Variants in ADCY8 observed in about 807,000 individuals in gnomAD.
The protein encoded by ADCY8 is adenylate cyclase 8, also known as adenylate cyclase type 8.
Under a neutral mutation model 119.7 loss-of-function variants are expected in ADCY8, and 51 were observed. The observed-to-expected ratio is 0.43, with a 90% confidence interval of 0.34 to 0.54. The LOEUF (loss-of-function observed/expected upper bound fraction) is 0.54. Ranked by LOEUF, ADCY8 falls within the 20% of genes least tolerant of loss-of-function variation. The pLI, the probability that ADCY8 is intolerant of heterozygous loss-of-function variation, is 0.03. For missense variants in ADCY8, 1,383 were observed against 1,598.8 expected, an observed-to-expected ratio of 0.87 and a Z score of 2.30; for synonymous variants, 665 against 651.0, an observed-to-expected ratio of 1.02 and a Z score of -0.33.
At chr8:131,038,244 C>T (rs571108130) in intron 1 of ADCY8, among the ~76,000 whole-genome samples, 5 of 152,234 alleles carry the variant, frequency 3.3e-5, no homozygotes, top group South Asian at 2.1e-4. Context: ...TATTCAAATT[C>T]GACCATAAGG....
At chr8:130,950,752 T>C (rs1294127200) in intron 3 of ADCY8, among the ~76,000 whole-genome samples, 1 of 152,132 alleles carries the variant, frequency 6.6e-6, no homozygotes, top group Non-Finnish European at 1.5e-5. Context: ...CAGGCTGGAG[T>C]TCAGTGGTGC....
Position 131,040,183 on chromosome 8 carries a change from T to A in ADCY8, c.151A>T (p.Ile51Phe). ...CCGCTGCCTCCCCGGTGCCCGTGAA[T>A]GAAGCGCTGCTCCGTGATGTGTCGC... ...AVRHITEQRF[I>F]HGHRGGSGSG... The change falls in exon 1 of 18, where the codon ATT (isoleucine) becomes TTT (phenylalanine). Residue 51 changes from isoleucine to phenylalanine, a missense_variant. Coordinates refer to ENST00000286355, the MANE Select transcript of ADCY8 (RefSeq NM_001115.3). 1 of 1,534,618 alleles carries A rather than the reference T, an allele frequency of 6.5e-7. No homozygotes were observed. Among genetic ancestry groups the A allele is most frequent in the Non-Finnish European group, 8.7e-7 (1 of 1,146,512 alleles).
intron 5 of ADCY8, among the ~76,000 whole-genome samples, chr8:130,935,016 G>A (rs4736461): frequency 0.044 from 6,737 of 152,208 alleles, 207 homozygotes; most frequent in Middle Eastern, 0.12. Flanking sequence ...CTTTCCATAG[G>A]ATCAATGACA....
intron 2 of ADCY8, among the ~76,000 whole-genome samples, chr8:130,959,941 A>T (rs78115272): frequency 0.023 from 3,432 of 152,324 alleles, 155 homozygotes; most frequent in African/African-American, 0.077. Context: ...TTTGGCTTGG[A>T]GATCAGAGAA....
intron 5 of ADCY8, among the ~76,000 whole-genome samples, chr8:130,913,696 A>G (rs1820047586): frequency 6.6e-6 from 1 of 152,204 alleles, no homozygotes; most frequent in Non-Finnish European, 1.5e-5. Context: ...AAATAAACAT[A>G]AAGTGTGAAT....
At chr8:130,837,050 A>C (rs1817010693) in intron 11 of ADCY8, among the ~76,000 whole-genome samples, 1 of 151,952 alleles carries the variant, frequency 6.6e-6, no homozygotes, top group Non-Finnish European at 1.5e-5. Flanking sequence ...TCTTTAATAG[A>C]TCTTCCCTTC....
intron 5 of ADCY8, among the ~76,000 whole-genome samples, chr8:130,924,117 C>A (rs773528042): frequency 3.3e-5 from 5 of 152,168 alleles, no homozygotes; most frequent in Non-Finnish European, 7.3e-5. Flanking sequence ...CTAAGATAGA[C>A]GGCTTTGAAG....
chr8:130,892,774 C>T (rs541713869), intron 7 of ADCY8: 1 of 152,312 alleles, frequency 6.6e-6, no homozygotes. Context: ...CCAGGTTCAA[C>T]CACAATTCCC....
intron 1 of ADCY8, among the ~76,000 whole-genome samples, chr8:131,031,298 A>G (rs893160206): frequency 6.6e-6 from 1 of 152,172 alleles, no homozygotes; most frequent in African/African-American, 2.4e-5. Flanking sequence ...CCTTTTTGTG[A>G]ATCAGAATTT....
intron 2 of ADCY8, among the ~76,000 whole-genome samples, chr8:130,973,310 C>A (rs1257759309): frequency 6.6e-6 from 1 of 152,218 alleles, no homozygotes; most frequent in Non-Finnish European, 1.5e-5. Context: ...ATGCTACTTG[C>A]CTTGACCAAT....
intron 16 of ADCY8, 127 bp downstream of exon 16, chr8:130,785,256 C>G: frequency 1.7e-6 from 1 of 584,524 alleles, no homozygotes; most frequent in Non-Finnish European, 2.9e-6. Context: ...CTATTATAAT[C>G]CAGTCCATTA....
chr8:131,039,841 C>T lies in ADCY8; in HGVS notation c.493G>A (p.Asp165Asn), dbSNP rs1391916279. ...TAGCGCTGGTAGAGGCGTTCCAAATCCCGAGATTTGAAGGAGTTGCGCAGG... is the reference window on the plus strand; with the variant it reads ...TAGCGCTGGTAGAGGCGTTCCAAATTCCGAGATTTGAAGGAGTTGCGCAGG... ...PTLRNSFKSR[D>N]LERLYQRYFL... The change falls in exon 1 of 18, where the codon GAT becomes AAT. Residue 165 changes from aspartate to asparagine, a missense_variant. By Grantham distance (23) the Asp-to-Asn change is conservative. Transcript: ENST00000286355. 6.2e-7 allele frequency: 1 copy of T among 1,614,166 alleles called. No homozygotes were observed. Among genetic ancestry groups the T allele is most frequent in the Admixed American group, 1.7e-5 (1 of 60,026 alleles).
chr8:130,976,244 G>C (rs904714231), intron 2 of ADCY8, among the ~76,000 whole-genome samples: 1 of 152,154 alleles, frequency 6.6e-6, no homozygotes, highest in Non-Finnish European at 1.5e-5. Context: ...CTGCGAACTT[G>C]CTAGGGCCCC....
At chr8:130,788,607 A>G (rs1815331028) in intron 15 of ADCY8, among the ~76,000 whole-genome samples, 1 of 152,156 alleles carries the variant, frequency 6.6e-6, no homozygotes, top group African/African-American at 2.4e-5. Flanking sequence ...TGTATATTTA[A>G]AAACAGCTAG....
intron 14 of ADCY8, among the ~76,000 whole-genome samples, chr8:130,809,718 G>A (rs969607914): frequency 1.3e-5 from 2 of 152,170 alleles, no homozygotes; most frequent in African/African-American, 4.8e-5. Context: ...ATGTCCTTCT[G>A]GCTTAATACG....
At chr8:130,930,962 T>C (rs1472033113) in intron 5 of ADCY8, among the ~76,000 whole-genome samples, 2 of 152,160 alleles carry the variant, frequency 1.3e-5, no homozygotes, top group Admixed American at 1.3e-4. Context: ...TCTTTTGGAG[T>C]TGTCCCATAA....
intron 6 of ADCY8, among the ~76,000 whole-genome samples, chr8:130,908,584 T>A (rs1819866413): frequency 6.6e-6 from 1 of 152,184 alleles, no homozygotes; most frequent in Non-Finnish European, 1.5e-5. Flanking sequence ...TATGCCATTA[T>A]AGCAGATGAG....
intron 1 of ADCY8, among the ~76,000 whole-genome samples, chr8:131,009,283 GC>G (rs368723294): frequency 1.2e-3 from 178 of 152,324 alleles, no homozygotes; most frequent in African/African-American, 4.1e-3. Flanking sequence ...GCTCTGTGCA[GC>G]CTCAGGACTT....
At position 130,814,153 on chromosome 8, in the gene ADCY8, C is replaced by T. The variant is rs1816263136; in HGVS notation, c.2829G>A (p.Leu943=). The change falls in exon 14 of 18, where the codon CTG becomes CTA. Residue 943 remains leucine, a synonymous_variant. Transcript: ENST00000286355. ...GGAGCATGTTCTCATTGTGTTCCCT[C>T]AGCTCCTTCATCTCATTGATCTCCT... ...AKEEINEMKE[L]REHNENMLRN... is the part of the protein sequence containing the mutation. 6.2e-7 allele frequency: 1 copy of T among 1,614,038 alleles called. No individual in the cohort carries two copies. The highest frequency in any genetic ancestry group is 1.7e-5 in the Admixed American group (1 of 59,996).
Sources: allele counts gnomAD v4.1 joint callset (sites outside exome capture counted in the v4.1 genomes callset), GRCh38; gene constraint gnomAD v4.1.1; transcripts MANE v1.5; gene names NCBI Gene and HGNC (gene_info 2026-07-23, HGNC 2026-07-21).